PCDH11X: variants seen among roughly 807,000 people sequenced by gnomAD.
PCDH11X encodes the protein protocadherin-11 X-linked.
Under a neutral mutation model 53.3 loss-of-function variants are expected in PCDH11X, and 18 were observed. That is an observed-to-expected ratio of 0.34 (90% CI 0.23 to 0.50). The LOEUF (loss-of-function observed/expected upper bound fraction) is 0.50, where lower values mean the gene tolerates loss of function less well. Among genes scored for constraint, PCDH11X ranks in the 20% least tolerant of loss-of-function variants. The probability of loss-of-function intolerance (pLI) is 0.98; values close to 1 mark genes in which losing one functional copy is unlikely to be tolerated. For synonymous variants in PCDH11X, 279 were observed against 393.3 expected (o/e 0.71, Z 3.44); for missense variants, 570 against 1,032.4 (o/e 0.55, Z 6.14).
At chrX:92,214,867 A>C (rs1480428867) in intron 7 of PCDH11X, among the ~76,000 whole-genome samples, 2 of 110,975 alleles carry the variant, frequency 1.8e-5, no homozygotes, top group African/African-American at 6.6e-5. Context: ...TGGGCAGCAC[A>C]GCGAAACCTC....
At chrX:91,888,429 G>T (rs1940332908) in intron 6 of PCDH11X, among the ~76,000 whole-genome samples, 1 of 111,848 alleles carries the variant, frequency 8.9e-6, no homozygotes, top group South Asian at 3.7e-4. Context: ...GAGGCAGGTG[G>T]ATCGCTTGAG....
intron 1 of PCDH11X, among the ~76,000 whole-genome samples, chrX:91,797,606 T>C (rs886818289): frequency 1.8e-5 from 2 of 111,040 alleles, no homozygotes; most frequent in Non-Finnish European, 3.8e-5. Flanking sequence ...AAAGGGAGAA[T>C]TGAGTTTATT....
intron 8 of PCDH11X, among the ~76,000 whole-genome samples, chrX:92,311,850 CTTTG>C (rs747223560): frequency 1.3e-4 from 14 of 110,585 alleles, no homozygotes; most frequent in Middle Eastern, 4.6e-3. Flanking sequence ...CCTTTTTCCT[CTTTG>C]TTTATTACAA....
At chrX:92,006,376 A>G (rs1030396897) in intron 6 of PCDH11X, among the ~76,000 whole-genome samples, 1 of 105,632 alleles carries the variant, frequency 9.5e-6, no homozygotes, top group Non-Finnish European at 1.9e-5. Flanking sequence ...TGCTTGATCA[A>G]TTCTGCTAAT....
At chrX:91,974,428 T>C (rs1259347357) in intron 6 of PCDH11X, among the ~76,000 whole-genome samples, 11 of 111,653 alleles carry the variant, frequency 9.9e-5, no homozygotes, top group Non-Finnish European at 1.9e-4. Context: ...ATTGAGAAGG[T>C]AGAATATGGA....
intron 4 of PCDH11X, among the ~76,000 whole-genome samples, chrX:91,815,435 T>A (rs1335408127): frequency 8.9e-6 from 1 of 111,745 alleles, no homozygotes; most frequent in Non-Finnish European, 1.9e-5. Context: ...TGCAAAAAAA[T>A]GATCTCTATG....
At chrX:92,032,256 G>A (rs1160719983) in intron 6 of PCDH11X, among the ~76,000 whole-genome samples, 2 of 107,167 alleles carry the variant, frequency 1.9e-5, no homozygotes, top group African/African-American at 6.8e-5. Context: ...TTGTAAATGG[G>A]CTTACTTTTT....
intron 6 of PCDH11X, among the ~76,000 whole-genome samples, chrX:92,116,187 T>C (rs1168366316): frequency 8.9e-6 from 1 of 112,663 alleles, no homozygotes; most frequent in Non-Finnish European, 1.9e-5. Context: ...TAATTTTTCT[T>C]GAGACTTTGA....
chrX:92,521,243 T>C (rs1603355178), intron 10 of PCDH11X, among the ~76,000 whole-genome samples: 1 of 112,300 alleles, frequency 8.9e-6, no homozygotes, highest in Admixed American at 9.5e-5. Context: ...TATTAACTAA[T>C]GAGATTTGAA....
intron 6 of PCDH11X, among the ~76,000 whole-genome samples, chrX:92,156,246 C>T (rs1364255939): frequency 1.8e-5 from 2 of 109,843 alleles, no homozygotes; most frequent in African/African-American, 3.4e-5. Flanking sequence ...CTATCCGCCC[C>T]CCCATTCCTT....
At chrX:91,812,077 G>A (rs747409367) in intron 4 of PCDH11X, among the ~76,000 whole-genome samples, 1 of 110,529 alleles carries the variant, frequency 9.0e-6, no homozygotes, top group African/African-American at 3.3e-5. Context: ...AGTGATTAGC[G>A]TGTACTCCAG....
intron 8 of PCDH11X, among the ~76,000 whole-genome samples, chrX:92,334,575 A>G (rs1404440987): frequency 9.0e-6 from 1 of 111,367 alleles, no homozygotes; most frequent in Non-Finnish European, 1.9e-5. Context: ...TGGGAGCCAT[A>G]CGAAGTGCCA....
At chrX:92,286,958 T>A (rs887561516) in intron 8 of PCDH11X, among the ~76,000 whole-genome samples, 10 of 103,205 alleles carry the variant, frequency 9.7e-5, no homozygotes, top group Non-Finnish European at 1.8e-4. Flanking sequence ...TAAGTTCATG[T>A]ATCTAAAAAT....
intron 6 of PCDH11X, among the ~76,000 whole-genome samples, chrX:92,004,768 CTTTTTTTTTTTT>C (rs1171124073): frequency 0.011 from 610 of 57,201 alleles, 22 homozygotes; most frequent in African/African-American, 0.047. Context: ...CTATGTGTGC[CTTTTTTTTTTTT>C]TTTTTTTTTT....
At chrX:92,120,442 G>A (rs1323546438) in intron 6 of PCDH11X, among the ~76,000 whole-genome samples, 3 of 112,672 alleles carry the variant, frequency 2.7e-5, no homozygotes, top group East Asian at 5.6e-4. Context: ...ACAGGCGTGC[G>A]CCACCGCGCC....
rs188615457 is a variant in PCDH11X at position 91,847,824 on chromosome X, A to C, written c.540+11780A>C. Among the ~76,000 whole-genome samples, 325 of 112,046 alleles carry C rather than the reference A, an allele frequency of 2.9e-3. 1 individual carries two copies. The highest frequency in any genetic ancestry group is 1.0e-2 in the African/African-American group (307 of 30,830). ...TCTAAAGCTAAATTTTACACACACA[A>C]AAAAAACAGACATGGAAAACAGGCA... On this transcript the variant is annotated intron_variant, in intron 5 of 10. Coordinates refer to ENST00000682573, the MANE Select transcript of PCDH11X (RefSeq NM_032968.5).
At chrX:91,939,401 G>C (rs1251334421) in intron 6 of PCDH11X, among the ~76,000 whole-genome samples, 1 of 110,820 alleles carries the variant, frequency 9.0e-6, no homozygotes, top group Middle Eastern at 4.6e-3. Flanking sequence ...AAGAAGGAGA[G>C]GAGGTGTGAG....
intron 8 of PCDH11X, among the ~76,000 whole-genome samples, chrX:92,332,723 G>A (rs2148506533): frequency 9.0e-6 from 1 of 110,827 alleles, no homozygotes; most frequent in Admixed American, 9.6e-5. Context: ...TACTAAAACA[G>A]CAGCAGCAGC....
At chrX:92,201,627 C>A (rs1413846446) in intron 7 of PCDH11X, among the ~76,000 whole-genome samples, 172 bp downstream of exon 7, 1 of 111,606 alleles carries the variant, frequency 9.0e-6, no homozygotes, top group Non-Finnish European at 1.9e-5. Flanking sequence ...AAATAGATAT[C>A]TTTTTAGTGT....
Sources: allele counts gnomAD v4.1 joint callset (sites outside exome capture counted in the v4.1 genomes callset), GRCh38; gene constraint gnomAD v4.1.1; transcripts MANE v1.5; gene names NCBI Gene and HGNC (gene_info 2026-07-23, HGNC 2026-07-21).